CACNA2D2: variants seen among roughly 807,000 people sequenced by gnomAD.
The protein encoded by CACNA2D2 is calcium voltage-gated channel auxiliary subunit alpha2delta 2.
A neutral mutation model predicts 166.4 loss-of-function variants in CACNA2D2; 48 were observed. That is an observed-to-expected ratio of 0.29 (90% confidence interval 0.23 to 0.37). CACNA2D2 has a LOEUF of 0.37. Ranked by LOEUF, CACNA2D2 falls within the 10% of genes least tolerant of loss-of-function variation. The pLI is 1.00. For synonymous variants in CACNA2D2, 561 were observed against 573.7 expected (o/e 0.98, Z 0.32); for missense variants, 1,122 against 1,433.0 (o/e 0.78, Z 3.50).
chr3:50,494,370 C>T (rs1385881000), intron 1 of CACNA2D2, among the ~76,000 whole-genome samples: 5 of 152,098 alleles, frequency 3.3e-5, no homozygotes, highest in African/African-American at 1.2e-4. Context: ...AGAACACGGG[C>T]TGTGGAAGGA....
At chr3:50,417,453 G>T (rs1707318238) in intron 3 of CACNA2D2, among the ~76,000 whole-genome samples, 1 of 152,208 alleles carries the variant, frequency 6.6e-6, no homozygotes, top group African/African-American at 2.4e-5. Flanking sequence ...ATCAGCAGCT[G>T]CTCAGGGTGG....
chr3:50,436,456 G>T (rs1708324194), intron 2 of CACNA2D2, among the ~76,000 whole-genome samples: 1 of 152,150 alleles, frequency 6.6e-6, no homozygotes. Flanking sequence ...AGCCTGGCAT[G>T]GTAACTGTGC....
Position 50,498,727 on chromosome 3 carries a change from G to A in CACNA2D2, c.206+4491C>T, listed in dbSNP as rs575537693. Reference sequence around the variant, plus strand: ...AGGAAAGAGAGACAGACAGGGCAAAGTTACAGCTGGAAGTCCCAGGCCCAG... The same window carrying A: ...AGGAAAGAGAGACAGACAGGGCAAAATTACAGCTGGAAGTCCCAGGCCCAG... On this transcript the variant is annotated intron_variant, in intron 1 of 37. Transcript: ENST00000424201. 1.1e-4 allele frequency among the ~76,000 whole-genome samples: 17 copies of A among 152,318 alleles called. No homozygotes were observed. In the East Asian group the frequency reaches 3.3e-3, roughly 29 times the overall value.
At chr3:50,425,931 G>A (rs889810773) in intron 3 of CACNA2D2, among the ~76,000 whole-genome samples, 5 of 152,192 alleles carry the variant, frequency 3.3e-5, no homozygotes, top group Non-Finnish European at 7.4e-5. Flanking sequence ...AGCCTTCTCT[G>A]AGTGGGACTG....
chr3:50,487,928 C>G (rs767329696), intron 1 of CACNA2D2, among the ~76,000 whole-genome samples: 1 of 152,166 alleles, frequency 6.6e-6, no homozygotes, highest in Non-Finnish European at 1.5e-5. Context: ...GCAAGCAGGG[C>G]AGATGCAGGC....
intron 4 of CACNA2D2, among the ~76,000 whole-genome samples, chr3:50,389,963 T>C (rs1032449086): frequency 6.8e-6 from 1 of 146,318 alleles, no homozygotes; most frequent in African/African-American, 2.5e-5. Flanking sequence ...GTGACTGCTA[T>C]GCATGATGTG....
Position 50,365,908 on chromosome 3 carries a change from C to G in CACNA2D2, c.2863-46G>C. On this transcript the variant is annotated intron_variant, in intron 32 of 37. Coordinates refer to ENST00000424201, the MANE Select transcript of CACNA2D2 (RefSeq NM_006030.4). This position sits in a 1 kb window ranked among gnomAD's most constrained non-coding sequence, Gnocchi z 4.5. ...TGGACTGCCACTGCTGCCCCTCGCC[C>G]TAGGTCACCCCCAGCTTTATCAAAT... The G allele has an allele frequency of 1.2e-6, 2 of 1,612,576 alleles. No individual in the cohort carries two copies. The highest frequency in any genetic ancestry group is 1.7e-6 in the Non-Finnish European group (2 of 1,179,752).
At position 50,380,049 on chromosome 3, in the gene CACNA2D2, G is replaced by A. The variant is rs749896750; in HGVS notation, c.843-31C>T. ...CAGGAGATGCCTCTGTTAGGGTAAGGCCCACTGGGACCTTGTGGGTCCTTC... is the reference window on the plus strand; with the variant it reads ...CAGGAGATGCCTCTGTTAGGGTAAGACCCACTGGGACCTTGTGGGTCCTTC... On this transcript the variant is annotated intron_variant, in intron 8 of 37. Coordinates refer to ENST00000424201, the MANE Select transcript of CACNA2D2 (RefSeq NM_006030.4). The surrounding 1 kb of genome is among the most constrained non-coding windows in gnomAD (Gnocchi z 4.9). The A allele has an allele frequency of 1.2e-6, 2 of 1,612,320 alleles. No individual in the cohort carries two copies. The highest frequency in any genetic ancestry group is 1.7e-6 in the Non-Finnish European group (2 of 1,178,638).
chr3:50,386,320 A>T (rs1318424127), intron 5 of CACNA2D2, among the ~76,000 whole-genome samples: 1 of 152,204 alleles, frequency 6.6e-6, no homozygotes, highest in Non-Finnish European at 1.5e-5. Context: ...AGGCTGTCCA[A>T]GGAGCCCCTC....
chr3:50,424,509 T>C (rs193250898), intron 3 of CACNA2D2, among the ~76,000 whole-genome samples: 125 of 152,292 alleles, frequency 8.2e-4, no homozygotes, highest in African/African-American at 3.0e-3. Flanking sequence ...CTCCCTTGCC[T>C]AGCTAAATCC....
At chr3:50,408,690 T>G (rs964686093) in intron 3 of CACNA2D2, among the ~76,000 whole-genome samples, 2 of 152,100 alleles carry the variant, frequency 1.3e-5, no homozygotes, top group African/African-American at 4.8e-5. Context: ...GCTAATGGCT[T>G]CTGCTTGCTG....
At chr3:50,371,866 G>A (rs1358688039) in intron 22 of CACNA2D2, among the ~76,000 whole-genome samples, 2 of 152,078 alleles carry the variant, frequency 1.3e-5, no homozygotes, top group Non-Finnish European at 2.9e-5. Flanking sequence ...GGGGTCACTG[G>A]GTGGGATGTG....
chr3:50,489,722 G>A (rs957711329), intron 1 of CACNA2D2, among the ~76,000 whole-genome samples: 1 of 152,152 alleles, frequency 6.6e-6, no homozygotes, highest in African/African-American at 2.4e-5. Flanking sequence ...CCCCATCAAT[G>A]GCTTATCCAT....
chr3:50,478,049 TG>T (rs1455676081), intron 1 of CACNA2D2, among the ~76,000 whole-genome samples: 1 of 150,594 alleles, frequency 6.6e-6, no homozygotes, highest in African/African-American at 2.4e-5. Context: ...AGGACCATGA[TG>T]GAAAAAAAAA....
rs747278921 is a variant in CACNA2D2, at chr3:50,367,472, G to T, written c.2323C>A (p.Pro775Thr). The change falls in exon 27 of 38, where the codon CCT becomes ACT. Residue 775 changes from proline to threonine, a missense_variant. Coordinates refer to ENST00000424201, the MANE Select transcript of CACNA2D2 (RefSeq NM_006030.4). This position sits in a 1 kb window ranked among gnomAD's most constrained non-coding sequence, Gnocchi z 6.5. ...TAGAAGCTGGCATTGAAGGGCTCAG[G>T]GTTCTCTGTCCAGTCCTCAGCTGCC... ...NKAAEDWTEN[P>T]EPFNASFYRR... 1 of 1,613,924 alleles carries T rather than the reference G, an allele frequency of 6.2e-7. No homozygotes were observed. The highest frequency in any genetic ancestry group is 1.1e-5 in the South Asian group (1 of 91,076).
chr3:50,434,518 C>G, intron 2 of CACNA2D2, 89 bp from the exon 3 acceptor site: 1 of 937,836 alleles, frequency 1.1e-6, no homozygotes, highest in South Asian at 1.3e-5. Flanking sequence ...CAGCTCACCT[C>G]AGCACAGTAT....
At chr3:50,368,961 C>T (rs1329953614) in intron 23 of CACNA2D2, among the ~76,000 whole-genome samples, 1 of 152,214 alleles carries the variant, frequency 6.6e-6, no homozygotes. Context: ...TCATTCATAC[C>T]TCTGCCACCA....
chr3:50,387,277 C>T (rs587775799), intron 5 of CACNA2D2, among the ~76,000 whole-genome samples: 17 of 152,338 alleles, frequency 1.1e-4, no homozygotes, highest in African/African-American at 4.1e-4. Context: ...CCTCTCACTG[C>T]ACTTAGAGAG....
In CACNA2D2 at chr3:50,364,873, G is replaced by GC; in HGVS notation, c.3291+14dup. ...AAGGCCGCGGGATTTCGGGTCCACC[G>GC]CCCCCTCTCCTCACTGTCGCGTTGT... On this transcript the variant is annotated intron_variant, in intron 37 of 37. Transcript: ENST00000424201. 2 of 1,613,304 alleles carry GC rather than the reference G, an allele frequency of 1.2e-6. No individual in the cohort carries two copies. The highest frequency in any genetic ancestry group is 1.1e-5 in the South Asian group (1 of 91,080).
Sources: gnomAD v4.1 joint callset for allele counts (sites outside exome capture counted in the v4.1 genomes callset) on GRCh38, gnomAD v4.1.1 for gene constraint, Gnocchi (gnomAD v3.1) non-coding constraint, MANE v1.5 for transcripts, NCBI Gene and HGNC (gene_info 2026-07-23, HGNC 2026-07-21) for gene names.